The following HDAC9 variants were observed in gnomAD, a reference collection of about 807,000 sequenced individuals.
HDAC9 encodes histone deacetylase 9, also known as MEF-2 interacting transcription repressor (MITR) protein.
In HDAC9, 41 loss-of-function variants were observed where a neutral mutation model predicts 139.4. The observed-to-expected ratio is 0.29, with a 90% CI of 0.23 to 0.38. The LOEUF (loss-of-function observed/expected upper bound fraction) is 0.38. HDAC9 is among the 10% of genes least tolerant of loss of function. The pLI, the probability that HDAC9 is intolerant of heterozygous loss-of-function variation, is 1.00. For synonymous variants in HDAC9, 517 were observed against 476.2 expected, an observed-to-expected ratio of 1.09 and a Z score of -1.12; for missense variants, 1,147 against 1,297.0, an observed-to-expected ratio of 0.88 and a Z score of 1.78.
intron 13 of HDAC9, among the ~76,000 whole-genome samples, chr7:18,728,434 C>G (rs1785738612): frequency 6.7e-6 from 1 of 148,586 alleles, no homozygotes; most frequent in African/African-American, 2.6e-5. Flanking sequence ...CACACACACA[C>G]ACACACACAC....
intron 1 of HDAC9, among the ~76,000 whole-genome samples, chr7:18,485,154 C>T (rs990401076): frequency 6.6e-6 from 1 of 152,052 alleles, no homozygotes; most frequent in East Asian, 1.9e-4. Flanking sequence ...TTCCTAGGTT[C>T]GAATTAAATG....
chr7:18,617,522 T>A (rs1305006740), intron 6 of HDAC9, among the ~76,000 whole-genome samples: 2 of 152,216 alleles, frequency 1.3e-5, no homozygotes, highest in Non-Finnish European at 2.9e-5. Context: ...CTTTAAATGC[T>A]CAGATGATAT....
In HDAC9 at chr7:18,585,288, G is replaced by A; in HGVS notation, c.30G>A (p.Val10=). The A allele has an allele frequency of 3.1e-6, 5 of 1,604,872 alleles. No individual in the cohort carries two copies. The highest frequency in any genetic ancestry group is 4.3e-6 in the Non-Finnish European group (5 of 1,173,848). Residue 10 remains valine (V), a synonymous_variant, in exon 3 of 26, where the codon GTG becomes GTA. Coordinates refer to ENST00000686413, the MANE Select transcript of HDAC9 (RefSeq NM_178425.4). ...TTTTTTCTGGTTCTTTAGTGGATGT[G>A]AAGTCAGAAGTTCCTGTGGGCCTGG... The part of the protein sequence containing the change: MHSMISSVD[V]KSEVPVGLEP...
At chr7:18,890,229 A>C (rs936163218) in intron 22 of HDAC9, among the ~76,000 whole-genome samples, 1 of 152,252 alleles carries the variant, frequency 6.6e-6, no homozygotes, top group African/African-American at 2.4e-5. Context: ...GCTCTGGATT[A>C]TAACATCTTT....
intron 21 of HDAC9, among the ~76,000 whole-genome samples, chr7:18,858,373 C>T (rs1359901743): frequency 6.6e-6 from 1 of 152,096 alleles, no homozygotes; most frequent in African/African-American, 2.4e-5. Flanking sequence ...CACCTCTTCA[C>T]GAGGCAGCAG....
intron 2 of HDAC9, among the ~76,000 whole-genome samples, chr7:18,574,491 G>C (rs1293009008): frequency 6.6e-6 from 1 of 152,234 alleles, no homozygotes; most frequent in Non-Finnish European, 1.5e-5. Context: ...GGAACTGACA[G>C]CCTGGCCCCC....
intron 22 of HDAC9, among the ~76,000 whole-genome samples, chr7:18,883,796 T>A (rs1258488085): frequency 6.6e-6 from 1 of 151,878 alleles, no homozygotes. Context: ...ATCCAAAAGG[T>A]TCCAGCAAAA....
intron 1 of HDAC9, among the ~76,000 whole-genome samples, chr7:18,116,787 A>G (rs564491218): frequency 3.9e-5 from 6 of 152,248 alleles, no homozygotes; most frequent in African/African-American, 7.2e-5. Flanking sequence ...TGTGACTTCT[A>G]TCTTGCTGCA....
chr7:18,521,988 G>A (rs1311921534), intron 2 of HDAC9, among the ~76,000 whole-genome samples: 4 of 152,120 alleles, frequency 2.6e-5, no homozygotes, highest in African/African-American at 9.7e-5. Flanking sequence ...TGTGTCTTCT[G>A]TTATCATTCT....
intron 21 of HDAC9, among the ~76,000 whole-genome samples, chr7:18,859,616 A>G (rs989074682): frequency 2.6e-5 from 4 of 151,622 alleles, no homozygotes; most frequent in African/African-American, 9.7e-5. Flanking sequence ...AGAGTTAACC[A>G]AAAATAATAC....
chr7:18,517,007 G>GCAA (rs1374942667), intron 2 of HDAC9, among the ~76,000 whole-genome samples: 1 of 151,752 alleles, frequency 6.6e-6, no homozygotes, highest in African/African-American at 2.4e-5. Flanking sequence ...TCTTTTTCTG[G>GCAA]CAACAACAAC....
At position 18,732,689 on chromosome 7, in the gene HDAC9, ACACACACACGTG is replaced by A. The variant is rs1288436517; in HGVS notation, c.1909+4933_1909+4944del. Among the ~76,000 whole-genome samples the A allele has an allele frequency of 1.7e-5, 2 of 119,666 alleles. 1 individual carries two copies. Among genetic ancestry groups the A allele is most frequent in the African/African-American group, 8.3e-5 (2 of 24,236 alleles). The allele number at this position is 119,666 out of a possible 152,430, so 78.5% of individuals were successfully genotyped here. ...CGTGTATATGTGTGCGTATGTGTAC[ACACACACACGTG>A]TATGTGTGCGTATGTGTACACACAC... On this transcript the variant is annotated intron_variant, in intron 13 of 25. Transcript: ENST00000686413.
chr7:18,352,079 A>G (rs144241484), intron 1 of HDAC9, among the ~76,000 whole-genome samples: 1 of 152,330 alleles, frequency 6.6e-6, no homozygotes, highest in East Asian at 1.9e-4. Flanking sequence ...TTCAAGCTTC[A>G]GTTAAGTGAT....
intron 2 of HDAC9, among the ~76,000 whole-genome samples, chr7:18,262,341 A>G (rs1167800336): frequency 2.0e-5 from 3 of 152,202 alleles, no homozygotes; most frequent in Admixed American, 1.3e-4. Flanking sequence ...TGACATATTC[A>G]AAGTGATGAA....
chr7:18,954,125 T>A, intron 23 of HDAC9, 21 bp from the exon 24 acceptor site: 3 of 1,500,880 alleles, frequency 2.0e-6, no homozygotes, highest in Non-Finnish European at 2.7e-6. Flanking sequence ...CTGCTCATAC[T>A]ATTATCTACT....
intron 1 of HDAC9, among the ~76,000 whole-genome samples, chr7:18,375,297 C>G (rs1562930721): frequency 6.6e-6 from 1 of 152,064 alleles, no homozygotes. Context: ...TGGTGAAACC[C>G]CATCTCTACT....
chr7:18,363,132 G>T (rs765973616), intron 1 of HDAC9, among the ~76,000 whole-genome samples: 4 of 152,118 alleles, frequency 2.6e-5, no homozygotes, highest in Non-Finnish European at 5.9e-5. Context: ...AATTAATTCG[G>T]TTTATCTTTT....
chr7:18,323,310 A>AT (rs1800170359), intron 1 of HDAC9, among the ~76,000 whole-genome samples: 1 of 152,090 alleles, frequency 6.6e-6, no homozygotes, highest in South Asian at 2.1e-4. Flanking sequence ...CCAAAGCTCT[A>AT]TTCTCTCTGT....
At chr7:18,496,240 A>G (rs985752251) in intron 1 of HDAC9, 22 bp from the exon 2 acceptor site, 1 of 1,612,102 alleles carries the variant, frequency 6.2e-7, no homozygotes, top group Non-Finnish European at 8.5e-7. Flanking sequence ...AATTTACGAG[A>G]GTGACTCCTG....
Sources: gnomAD v4.1 joint callset for allele counts (sites outside exome capture counted in the v4.1 genomes callset) on GRCh38, gnomAD v4.1.1 for gene constraint, MANE v1.5 for transcripts, NCBI Gene and HGNC (gene_info 2026-07-23, HGNC 2026-07-21) for gene names.